The following SPAG16 variants were observed in gnomAD, a reference collection of about 807,000 sequenced individuals.
The protein encoded by SPAG16 is sperm associated antigen 16.
A neutral mutation model predicts 80.4 loss-of-function variants in SPAG16; 86 were observed. The ratio of observed to expected loss-of-function variants is 1.07; its 90% confidence interval spans 0.90 to 1.28. The LOEUF (loss-of-function observed/expected upper bound fraction) is 1.28. Ranked by LOEUF, SPAG16 falls within the 50% of genes most tolerant of loss-of-function variation. The probability of loss-of-function intolerance (pLI) is 0.00; values close to 1 mark genes in which losing one functional copy is unlikely to be tolerated. For synonymous variants in SPAG16, 294 were observed against 265.9 expected, an observed-to-expected ratio of 1.11 and a Z score of -1.03; for missense variants, 870 against 765.3, an observed-to-expected ratio of 1.14 and a Z score of -1.61.
intron 5 of SPAG16, 194 bp downstream of exon 5, chr2:213,317,550 C>T: frequency 2.4e-6 from 3 of 1,250,380 alleles, no homozygotes; most frequent in Non-Finnish European, 3.0e-6. Context: ...TATAACTTAC[C>T]AACAAGAAGG....
intron 12 of SPAG16, among the ~76,000 whole-genome samples, chr2:213,993,838 C>T (rs1005967942): frequency 6.6e-6 from 1 of 152,128 alleles, no homozygotes; most frequent in Non-Finnish European, 1.5e-5. Flanking sequence ...AATGTAAAGA[C>T]ATGATAGGAC....
intron 9 of SPAG16, among the ~76,000 whole-genome samples, chr2:213,377,595 G>T (rs2066940127): frequency 6.6e-6 from 1 of 152,122 alleles, no homozygotes; most frequent in African/African-American, 2.4e-5. Flanking sequence ...GTGTGGAAGG[G>T]GTTGTAATGG....
intron 12 of SPAG16, among the ~76,000 whole-genome samples, chr2:213,986,253 A>G (rs2045995747): frequency 6.6e-6 from 1 of 152,068 alleles, no homozygotes; most frequent in Non-Finnish European, 1.5e-5. Flanking sequence ...AGGAAATATT[A>G]TGAACTCTAG....
intron 4 of SPAG16, among the ~76,000 whole-genome samples, chr2:213,314,148 C>T (rs993009763): frequency 2.0e-5 from 3 of 151,842 alleles, no homozygotes; most frequent in Non-Finnish European, 4.4e-5. Context: ...TATGCACTTT[C>T]TCCCTGAAAT....
At chr2:214,226,517 G>C (rs1487229764) in intron 15 of SPAG16, among the ~76,000 whole-genome samples, 2 of 152,076 alleles carry the variant, frequency 1.3e-5, no homozygotes, top group Non-Finnish European at 2.9e-5. Context: ...CATCATATCT[G>C]TGACAAGTGT....
intron 15 of SPAG16, among the ~76,000 whole-genome samples, chr2:214,165,469 CTTTTTTTTTTTTTTTTTTTTTT>C (rs67726428): frequency 5.0e-4 from 19 of 37,856 alleles, no homozygotes; most frequent in African/African-American, 2.2e-3. Context: ...CATCACCATC[CTTTTTTTTTTTTTTTTTTTTTT>C]TTTTTTTTTT....
At chr2:214,006,614 C>T (rs2047037235) in intron 12 of SPAG16, among the ~76,000 whole-genome samples, 1 of 152,218 alleles carries the variant, frequency 6.6e-6, no homozygotes, top group South Asian at 2.1e-4. Flanking sequence ...CAGAAAATTG[C>T]ATGAGACTTC....
chr2:213,894,323 A>G (rs2076906373), intron 11 of SPAG16, among the ~76,000 whole-genome samples: 1 of 152,204 alleles, frequency 6.6e-6, no homozygotes, highest in East Asian at 1.9e-4. Context: ...TCATATTAAC[A>G]TAACCCAGAA....
At chr2:214,125,482 T>C (rs2054429074) in intron 14 of SPAG16, among the ~76,000 whole-genome samples, 1 of 151,678 alleles carries the variant, frequency 6.6e-6, no homozygotes, top group Non-Finnish European at 1.5e-5. Context: ...TACAATTCCA[T>C]ATCTTCAAAG....
chr2:213,793,083 C>T (rs1433859030), intron 10 of SPAG16, among the ~76,000 whole-genome samples: 1 of 152,002 alleles, frequency 6.6e-6, no homozygotes, highest in Non-Finnish European at 1.5e-5. Flanking sequence ...CCTGCCACCG[C>T]GCCCAGCTAA....
At chr2:214,379,767 T>A (rs2126104847) in intron 15 of SPAG16, among the ~76,000 whole-genome samples, 1 of 152,332 alleles carries the variant, frequency 6.6e-6, no homozygotes, top group South Asian at 2.1e-4. Flanking sequence ...CAGAATTGAT[T>A]AGGGTAATTT....
chr2:213,583,423 G>GTA (rs932385562), intron 10 of SPAG16, among the ~76,000 whole-genome samples: 4 of 152,144 alleles, frequency 2.6e-5, no homozygotes, highest in African/African-American at 9.7e-5. Context: ...ATCAGTTGTG[G>GTA]TAAAGCACTT....
chr2:214,013,179 C>CT (rs11382197), intron 12 of SPAG16, among the ~76,000 whole-genome samples: 102,061 of 138,954 alleles, frequency 0.73, 39,552 homozygotes, highest in East Asian at 0.94. Context: ...AGTATTTTGT[C>CT]TTTTTTTTTT....
At chr2:214,254,500 T>C (rs574973070) in intron 15 of SPAG16, among the ~76,000 whole-genome samples, 8 of 152,252 alleles carry the variant, frequency 5.3e-5, no homozygotes, top group African/African-American at 1.9e-4. Flanking sequence ...CATGAAGGGC[T>C]GTTGAATTTA....
intron 10 of SPAG16, among the ~76,000 whole-genome samples, chr2:213,793,816 A>ATAAC (rs1157855980): frequency 6.6e-6 from 1 of 152,204 alleles, no homozygotes; most frequent in East Asian, 1.9e-4. Flanking sequence ...GTCATAAAGT[A>ATAAC]TAACGTCTTA....
chr2:213,299,012 T>C (rs1224412429), intron 3 of SPAG16, among the ~76,000 whole-genome samples: 2 of 152,184 alleles, frequency 1.3e-5, no homozygotes, highest in East Asian at 3.8e-4. Flanking sequence ...AATTGTGCTA[T>C]GGGCTTTCTC....
In SPAG16 at chr2:213,407,958, A is replaced by G. The variant is rs1396566666; in HGVS notation, c.942+32839A>G. ...AGAGAGGCAGAGAGAGACAGGAGAG[A>G]GGCAGAGAGAGAGACAGGAGAGAGA... On this transcript the variant is annotated intron_variant, in intron 9 of 15. Transcript: ENST00000331683. 2.3e-5 allele frequency among the ~76,000 whole-genome samples: 3 copies of G among 129,776 alleles called. No individual in the cohort carries two copies. The East Asian group carries it at 7.2e-4, about 31-fold the overall frequency. 85.1% of individuals were successfully genotyped at this position (129,776 alleles called of 152,430 possible).
intron 15 of SPAG16, among the ~76,000 whole-genome samples, chr2:214,297,589 GTTTC>G (rs1443888924): frequency 6.6e-6 from 1 of 151,886 alleles, no homozygotes; most frequent in Non-Finnish European, 1.5e-5. Flanking sequence ...TATTATCATT[GTTTC>G]TTTCTTTCCC....
At chr2:214,055,732 T>A (rs914115501) in intron 13 of SPAG16, among the ~76,000 whole-genome samples, 3 of 152,140 alleles carry the variant, frequency 2.0e-5, no homozygotes, top group Non-Finnish European at 4.4e-5. Flanking sequence ...TGCCTTCATT[T>A]AAAAAAAATC....
Sources: gnomAD v4.1 joint callset for allele counts (sites outside exome capture counted in the v4.1 genomes callset) on GRCh38, gnomAD v4.1.1 for gene constraint, MANE v1.5 for transcripts, NCBI Gene and HGNC (gene_info 2026-07-23, HGNC 2026-07-21) for gene names.